Variants in ESCO1 observed in about 807,000 individuals in gnomAD.
The protein encoded by ESCO1 is establishment of sister chromatid cohesion N-acetyltransferase 1.
ESCO1 carries 33 observed loss-of-function variants against 83.5 expected under a neutral mutation model. The observed-to-expected ratio is 0.40, with a 90% CI of 0.30 to 0.53. The LOEUF is 0.53. Ranked by LOEUF, ESCO1 falls within the 20% of genes least tolerant of loss-of-function variation. The pLI is 0.63. For synonymous variants in ESCO1, 332 were observed against 324.3 expected (o/e 1.02, Z -0.25); for missense variants, 855 against 968.0 (o/e 0.88, Z 1.55).
intron 9 of ESCO1, among the ~76,000 whole-genome samples, chr18:21,539,695 C>T (rs905160635): frequency 6.6e-6 from 1 of 151,920 alleles, no homozygotes; most frequent in African/African-American, 2.4e-5. Context: ...ACTAAAAATA[C>T]AAGTTAGCCA....
chr18:21,561,444 T>C (rs980636671), intron 7 of ESCO1, among the ~76,000 whole-genome samples: 18 of 152,084 alleles, frequency 1.2e-4, no homozygotes, highest in African/African-American at 4.1e-4. Context: ...TGTTTTTGTT[T>C]TGAGACAAGG....
At chr18:21,555,715 T>TA (rs1368324438) in intron 8 of ESCO1, among the ~76,000 whole-genome samples, 4 of 152,228 alleles carry the variant, frequency 2.6e-5, no homozygotes. Context: ...GGCAGGAAGA[T>TA]AGCTTGAGCC....
At chr18:21,589,103 A>G (rs190997167) in intron 1 of ESCO1, among the ~76,000 whole-genome samples, 17 of 152,062 alleles carry the variant, frequency 1.1e-4, no homozygotes, top group African/African-American at 3.6e-4. Context: ...TTACCCAGGC[A>G]TGGTGCGCAT....
chr18:21,555,054 C>A (rs2146192141), intron 8 of ESCO1, among the ~76,000 whole-genome samples: 1 of 152,258 alleles, frequency 6.6e-6, no homozygotes, highest in East Asian at 1.9e-4. Context: ...AGAGATCACG[C>A]CACTGCACTC....
At chr18:21,547,885 C>T (rs1356089972) in intron 8 of ESCO1, among the ~76,000 whole-genome samples, 1 of 151,970 alleles carries the variant, frequency 6.6e-6, no homozygotes, top group African/African-American at 2.4e-5. Context: ...GGGCAGATCA[C>T]GAGGTCAGGA....
At chr18:21,597,673 G>A (rs1194923414) in intron 1 of ESCO1, among the ~76,000 whole-genome samples, 1 of 151,974 alleles carries the variant, frequency 6.6e-6, no homozygotes, top group Non-Finnish European at 1.5e-5. Flanking sequence ...AGTGTAAGGG[G>A]ATCCTAAGAC....
At chr18:21,566,571 TA>T (rs1472354391) in intron 5 of ESCO1, among the ~76,000 whole-genome samples, 1 of 152,040 alleles carries the variant, frequency 6.6e-6, no homozygotes, top group Non-Finnish European at 1.5e-5. Flanking sequence ...AAAATAAAAA[TA>T]AAAGACGCCG....
chr18:21,586,411 TCTG>T (rs2038577221), intron 1 of ESCO1, among the ~76,000 whole-genome samples: 1 of 152,370 alleles, frequency 6.6e-6, no homozygotes, highest in Admixed American at 6.5e-5. Flanking sequence ...TATCCATTCA[TCTG>T]CTGATGAACA....
At chr18:21,578,218 AAATT>A (rs1471062280) in intron 2 of ESCO1, among the ~76,000 whole-genome samples, 10 of 152,228 alleles carry the variant, frequency 6.6e-5, no homozygotes, top group Admixed American at 5.9e-4. Context: ...TTTGAAGACA[AAATT>A]AGAGACAAAA....
chr18:21,589,879 G>A (rs2038639091), intron 1 of ESCO1, among the ~76,000 whole-genome samples: 1 of 151,906 alleles, frequency 6.6e-6, no homozygotes, highest in Admixed American at 6.6e-5. Flanking sequence ...CCAGGCTGGA[G>A]TGCAGTGGTG....
intron 8 of ESCO1, among the ~76,000 whole-genome samples, chr18:21,544,238 C>A (rs1177760351): frequency 2.6e-5 from 4 of 151,816 alleles, no homozygotes; most frequent in Non-Finnish European, 5.9e-5. Flanking sequence ...CGCGCCACTG[C>A]ACTCCAGCCT....
At chr18:21,556,389 A>C (rs1329417248) in intron 8 of ESCO1, among the ~76,000 whole-genome samples, 37 of 152,228 alleles carry the variant, frequency 2.4e-4, no homozygotes. Flanking sequence ...TACATAATTA[A>C]ATTATATGCA....
chr18:21,544,778 G>A (rs1314385951), intron 8 of ESCO1, among the ~76,000 whole-genome samples: 2 of 152,180 alleles, frequency 1.3e-5, no homozygotes, highest in Non-Finnish European at 2.9e-5. Context: ...TCATTACTCT[G>A]TGTGTGTGTG....
At chr18:21,541,855 C>A (rs568993347) in intron 8 of ESCO1, among the ~76,000 whole-genome samples, 2 of 152,136 alleles carry the variant, frequency 1.3e-5, no homozygotes, top group Admixed American at 6.5e-5. Context: ...TGAACTGAAT[C>A]ATCTAAAGAC....
At chr18:21,531,893 C>CAAAAAA (rs10646843) in intron 11 of ESCO1, among the ~76,000 whole-genome samples, 4 of 82,006 alleles carry the variant, frequency 4.9e-5, no homozygotes, top group African/African-American at 4.9e-5. Context: ...GACTCCATCT[C>CAAAAAA]AAAAAAAAAA....
chr18:21,582,618 T>G (rs1478352419), intron 2 of ESCO1, among the ~76,000 whole-genome samples: 4 of 152,182 alleles, frequency 2.6e-5, no homozygotes, highest in African/African-American at 4.8e-5. Flanking sequence ...AGGGCAAAAC[T>G]GGGGAAAAAT....
chr18:21,564,293 C>A lies in ESCO1; in HGVS notation c.1731G>T (p.Leu577Phe). ...DNRETPRNHSLPKCNSHLEIT... is the reference protein window; with the variant it reads ...DNRETPRNHSFPKCNSHLEIT... Reference sequence around the variant, plus strand: ...TCTCCAAATGGGAATTACACTTAGGCAAAGAATGATTTCGTGGTGTCTCCC... The same window carrying A: ...TCTCCAAATGGGAATTACACTTAGGAAAAGAATGATTTCGTGGTGTCTCCC... The change falls in exon 7 of 12, where the codon TTG becomes TTT. Residue 577 changes from leucine to phenylalanine, a missense_variant. Around this residue, in one of 2 missense-constraint regions of ESCO1, gnomAD observed 726 missense variants for 699.5 expected, o/e 1.04. Transcript: ENST00000269214. 1 of 1,610,180 alleles carries A rather than the reference C, an allele frequency of 6.2e-7. No individual in the cohort carries two copies. The highest frequency in any genetic ancestry group is 8.5e-7 in the Non-Finnish European group (1 of 1,178,316).
At chr18:21,542,016 T>A (rs888579683) in intron 8 of ESCO1, among the ~76,000 whole-genome samples, 5 of 152,240 alleles carry the variant, frequency 3.3e-5, no homozygotes, top group African/African-American at 7.2e-5. Context: ...CAGACTTGTA[T>A]GTTCATGCCG....
At chr18:21,538,848 T>A (rs1217807123) in intron 9 of ESCO1, among the ~76,000 whole-genome samples, 1 of 152,116 alleles carries the variant, frequency 6.6e-6, no homozygotes, top group Non-Finnish European at 1.5e-5. Flanking sequence ...TGAAAAAGCA[T>A]CCAGAGGTTG....
Sources: allele counts gnomAD v4.1 joint callset (sites outside exome capture counted in the v4.1 genomes callset), GRCh38; gene constraint gnomAD v4.1.1; regional missense constraint gnomAD v4.1.1; transcripts MANE v1.5; gene names NCBI Gene and HGNC (gene_info 2026-07-23, HGNC 2026-07-21).